The following KCNMA1 variants were observed in gnomAD, a reference collection of about 807,000 sequenced individuals.
KCNMA1 encodes potassium calcium-activated channel subfamily M alpha 1.
Under a neutral mutation model 140.0 loss-of-function variants are expected in KCNMA1, and 29 were observed. That is an observed-to-expected ratio of 0.21 (90% confidence interval 0.15 to 0.28). The LOEUF (loss-of-function observed/expected upper bound fraction) is 0.28. KCNMA1 is among the 10% of genes least tolerant of loss of function. The pLI is 1.00. For missense variants in KCNMA1, 880 were observed against 1,602.2 expected (o/e 0.55, Z 7.70); for synonymous variants, 612 against 611.9 (o/e 1.00, Z 0.00).
At chr10:77,096,006 G>A (rs1428543382) in intron 9 of KCNMA1, among the ~76,000 whole-genome samples, 2 of 152,164 alleles carry the variant, frequency 1.3e-5, no homozygotes, top group Admixed American at 1.3e-4. Context: ...AAGGGAAACT[G>A]TGACCATGGA....
At position 77,108,884 on chromosome 10, in the gene KCNMA1, A is replaced by AG. The variant is rs529252639; in HGVS notation, c.1132-313dup. Among the ~76,000 whole-genome samples the AG allele has an allele frequency of 6.6e-5, 10 of 152,164 alleles. No individual in the cohort carries two copies. Among genetic ancestry groups the AG allele is most frequent in the African/African-American group, 2.4e-4 (10 of 41,426 alleles). On this transcript the variant is annotated intron_variant, in intron 8 of 27. Coordinates refer to ENST00000286628, the MANE Select transcript of KCNMA1 (RefSeq NM_001161352.2). The surrounding 1 kb of genome is among the most constrained non-coding windows in gnomAD (Gnocchi z 4.6). The stretch of plus-strand genomic sequence containing the variant: ...TTCTTGCTGAAGAAAAATAGGCAAG[A>AG]GGGGGACATGCTAGTGAAACTAAAC...
intron 1 of KCNMA1, among the ~76,000 whole-genome samples, chr10:77,533,031 A>T (rs2058055070): frequency 6.6e-6 from 1 of 152,226 alleles, no homozygotes; most frequent in African/African-American, 2.4e-5. Flanking sequence ...TCTCCCCTGC[A>T]ATAGTAGAAG....
At chr10:77,090,352 A>G (rs754879107) in intron 10 of KCNMA1, 48 bp downstream of exon 10, 1 of 1,212,106 alleles carries the variant, frequency 8.3e-7, no homozygotes, top group Non-Finnish European at 1.2e-6. Context: ...AGTCCCTCGC[A>G]GGGTGTGTGG....
chr10:77,370,622 T>C (rs1022066587), intron 2 of KCNMA1, among the ~76,000 whole-genome samples: 4 of 152,186 alleles, frequency 2.6e-5, no homozygotes, highest in Admixed American at 6.5e-5. Flanking sequence ...CCACAGCATG[T>C]TGAGACTGGA....
chr10:76,882,899 A>G (rs530552810), downstream of KCNMA1, among the ~76,000 whole-genome samples: 9 of 152,316 alleles, frequency 5.9e-5, 1 homozygote, highest in South Asian at 1.7e-3. Context: ...GCTGATTGAG[A>G]AATTGATTTT....
At chr10:77,215,115 C>A (rs2047295385) in intron 3 of KCNMA1, among the ~76,000 whole-genome samples, 1 of 152,092 alleles carries the variant, frequency 6.6e-6, no homozygotes, top group South Asian at 2.1e-4. Context: ...AGCCCTTAGC[C>A]CCCAGTGCAG....
In KCNMA1 at chr10:77,580,152, C is replaced by T. The variant is rs185294890; in HGVS notation, c.378+57113G>A. On this transcript the variant is annotated intron_variant, in intron 1 of 27. Transcript: ENST00000286628. The stretch of plus-strand genomic sequence containing the variant: ...ATCCCAGCACTTTGGGAGGCCGAGG[C>T]GGGCAGATCACGAGGTCTGGAGATC... Among the ~76,000 whole-genome samples the T allele has an allele frequency of 2.0e-3, 305 of 152,184 alleles. 1 individual carries two copies. Among genetic ancestry groups the T allele is most frequent in the African/African-American group, 6.3e-3 (263 of 41,522 alleles).
At chr10:76,996,014 A>T (rs909749451) in intron 19 of KCNMA1, among the ~76,000 whole-genome samples, 1 of 152,302 alleles carries the variant, frequency 6.6e-6, no homozygotes, top group Non-Finnish European at 1.5e-5. Context: ...CCTGCAGTAC[A>T]TCTTCATAGT....
chr10:77,490,327 A>G (rs1308624222), intron 1 of KCNMA1, among the ~76,000 whole-genome samples: 1 of 152,234 alleles, frequency 6.6e-6, no homozygotes. Flanking sequence ...TTAAAAATGT[A>G]TCCTCTACCT....
At chr10:76,922,056 GA>G (rs1318345838) in intron 23 of KCNMA1, among the ~76,000 whole-genome samples, 3 of 152,156 alleles carry the variant, frequency 2.0e-5, no homozygotes, top group Non-Finnish European at 4.4e-5. Context: ...GGGAAGCGGG[GA>G]AATGCCCCTG....
At chr10:77,215,473 T>C (rs1177727693) in intron 3 of KCNMA1, among the ~76,000 whole-genome samples, 2 of 151,846 alleles carry the variant, frequency 1.3e-5, no homozygotes, top group Non-Finnish European at 2.9e-5. Flanking sequence ...TTGTTTTACT[T>C]ATTTACAGTT....
At chr10:77,038,367 C>G (rs1310023242) in intron 15 of KCNMA1, among the ~76,000 whole-genome samples, 2 of 152,164 alleles carry the variant, frequency 1.3e-5, no homozygotes, top group East Asian at 3.9e-4. Flanking sequence ...AATGGCTTTT[C>G]TTCCTCAGCC....
At chr10:77,030,201 C>G (rs2093826859) in intron 15 of KCNMA1, among the ~76,000 whole-genome samples, 1 of 152,130 alleles carries the variant, frequency 6.6e-6, no homozygotes, top group Non-Finnish European at 1.5e-5. Flanking sequence ...TGATTCCTGC[C>G]AGCAGAATCT....
At chr10:77,369,360 C>A (rs1404019324) in intron 2 of KCNMA1, among the ~76,000 whole-genome samples, 1 of 152,156 alleles carries the variant, frequency 6.6e-6, no homozygotes, top group Non-Finnish European at 1.5e-5. Flanking sequence ...GAATAAGAAT[C>A]TCTGAAGGGG....
intron 1 of KCNMA1, among the ~76,000 whole-genome samples, chr10:77,537,702 CA>C (rs1051613568): frequency 6.6e-6 from 1 of 152,106 alleles, no homozygotes; most frequent in Non-Finnish European, 1.5e-5. Flanking sequence ...CATTGAGAAA[CA>C]GAGAACAATC....
chr10:77,084,069 G>A (rs1294038075), intron 12 of KCNMA1, among the ~76,000 whole-genome samples: 1 of 152,102 alleles, frequency 6.6e-6, no homozygotes, highest in Non-Finnish European at 1.5e-5. Flanking sequence ...AGACACACTT[G>A]GAAAGCCCTA....
chr10:77,062,368 T>C (rs965055387), intron 14 of KCNMA1, among the ~76,000 whole-genome samples: 1 of 152,214 alleles, frequency 6.6e-6, no homozygotes, highest in African/African-American at 2.4e-5. Context: ...AAGATACTTT[T>C]CTTTCTTCAT....
chr10:77,320,453 C>A (rs72642269), intron 2 of KCNMA1, among the ~76,000 whole-genome samples: 9,224 of 152,000 alleles, frequency 0.061, 561 homozygotes, highest in East Asian at 0.29. Flanking sequence ...AGGCTGAGAC[C>A]CTAGGCACAC....
In KCNMA1 at chr10:76,949,257, C is replaced by T. The variant is rs2152943638; in HGVS notation, c.2594G>A (p.Arg865His). The stretch of plus-strand genomic sequence containing the variant: ...CTCATGGTAATGAAAGTTGCTGGCA[C>T]GGAGCGGCATCACCAGGTTCCGGAG... The part of the protein sequence containing the change: ...IGLRNLVMPL[R>H]ASNFHYHELK... The change falls in exon 22 of 28, where the codon CGT (arginine) becomes CAT (histidine). Residue 865 changes from arginine to histidine, a missense_variant. Around this residue, in one of 13 missense-constraint regions of KCNMA1, gnomAD observed 82 missense variants for 170.1 expected, o/e 0.48. Transcript: ENST00000286628. 6.2e-7 allele frequency: 1 copy of T among 1,614,124 alleles called. No homozygotes were observed. Among genetic ancestry groups the T allele is most frequent in the Non-Finnish European group, 8.5e-7 (1 of 1,180,030 alleles).
Sources: gnomAD v4.1 joint callset for allele counts (sites outside exome capture counted in the v4.1 genomes callset) on GRCh38, gnomAD v4.1.1 for gene constraint, gnomAD v4.1.1 regional missense constraint, Gnocchi (gnomAD v3.1) non-coding constraint, MANE v1.5 for transcripts, NCBI Gene and HGNC (gene_info 2026-07-23, HGNC 2026-07-21) for gene names.